GLCE: variants seen among roughly 807,000 people sequenced by gnomAD.
GLCE encodes the protein D-glucuronyl C5-epimerase.
GLCE carries 19 observed loss-of-function variants against 47.9 expected under a neutral mutation model. The observed-to-expected ratio is 0.40, with a 90% CI of 0.28 to 0.58. GLCE has a LOEUF of 0.58. GLCE is among the 20% of genes least tolerant of loss of function. The pLI is 0.48. For synonymous variants in GLCE, 245 were observed against 263.4 expected, an observed-to-expected ratio of 0.93 and a Z score of 0.68; for missense variants, 556 against 743.3, an observed-to-expected ratio of 0.75 and a Z score of 2.93.
intron 1 of GLCE, among the ~76,000 whole-genome samples, chr15:69,166,161 T>C (rs970668338): frequency 2.6e-5 from 4 of 152,238 alleles, no homozygotes; most frequent in African/African-American, 9.6e-5. Flanking sequence ...GTAGCTGATG[T>C]ATGCAGGTTT....
rs2053163329 is a variant in GLCE, at chr15:69,271,273, T to A, written c.*2029T>A. ...AAGTTGATTTCTTGTGATCCCAGAA[T>A]TTTCTAAGAGGATGAGTTGAATCTA... On this transcript the variant is annotated 3_prime_UTR_variant, in exon 5 of 5. Coordinates refer to ENST00000261858, the MANE Select transcript of GLCE (RefSeq NM_015554.3). The A allele has an allele frequency of 6.6e-6, 1 of 152,658 alleles. No homozygotes were observed. The allele number at this position is 152,658 out of a possible 1,614,324, so 9.5% of individuals were successfully genotyped here.
intron 2 of GLCE, among the ~76,000 whole-genome samples, chr15:69,248,216 A>T (rs1288912450): frequency 6.6e-6 from 1 of 152,230 alleles, no homozygotes; most frequent in African/African-American, 2.4e-5. Flanking sequence ...AACCAAAAAT[A>T]TTAGGCAGTT....
rs140799902 is a variant in GLCE at position 69,213,287 on chromosome 15, T to G, written c.-14+2881T>G. On this transcript the variant is annotated intron_variant, in intron 2 of 4. Coordinates refer to ENST00000261858, the MANE Select transcript of GLCE (RefSeq NM_015554.3). ...AATTTCACCAGTTTTTCCACTAATG[T>G]TCTTTTTCCAGGATCCCATATTACA... is the stretch of plus-strand genomic sequence containing the variant. Among the ~76,000 whole-genome samples the G allele has an allele frequency of 2.7e-3, 411 of 152,244 alleles. 2 individuals carry two copies. The highest frequency in any genetic ancestry group is 8.8e-3 in the African/African-American group (367 of 41,566).
intron 1 of GLCE, among the ~76,000 whole-genome samples, chr15:69,175,479 C>T (rs2051649330): frequency 6.6e-6 from 1 of 152,152 alleles, no homozygotes; most frequent in Non-Finnish European, 1.5e-5. Context: ...TTGTTACATT[C>T]ATATGAACAC....
chr15:69,238,077 A>T (rs1385698181), intron 2 of GLCE, among the ~76,000 whole-genome samples: 1 of 152,204 alleles, frequency 6.6e-6, no homozygotes, highest in African/African-American at 2.4e-5. Context: ...CTTTGCTGTT[A>T]AAAAAACATT....
intron 2 of GLCE, among the ~76,000 whole-genome samples, chr15:69,218,465 G>T (rs1333852348): frequency 1.3e-5 from 2 of 152,106 alleles, no homozygotes; most frequent in Non-Finnish European, 2.9e-5. Context: ...AGGGAGCCAA[G>T]ATCAAGCCAC....
intron 1 of GLCE, among the ~76,000 whole-genome samples, chr15:69,195,065 A>G (rs1262085342): frequency 6.6e-6 from 1 of 152,108 alleles, no homozygotes; most frequent in Non-Finnish European, 1.5e-5. Context: ...TCTCTTTGAG[A>G]GTCACTTTTT....
Position 69,246,019 on chromosome 15 carries a change from G to A in GLCE, c.-13-9775G>A, listed in dbSNP as rs569722800. Among the ~76,000 whole-genome samples, 169 of 152,202 alleles carry A rather than the reference G, an allele frequency of 1.1e-3. 1 individual carries two copies. Among genetic ancestry groups the A allele is most frequent in the African/African-American group, 3.6e-3 (148 of 41,540 alleles). On this transcript the variant is annotated intron_variant, in intron 2 of 4. Transcript: ENST00000261858. ...ACTGGGTTTACAGGCGTGAGCCACC[G>A]CGCCCGGCCAGTCGTTTCAACAATG...
chr15:69,187,012 A>G (rs2051833864), intron 1 of GLCE, among the ~76,000 whole-genome samples: 1 of 152,230 alleles, frequency 6.6e-6, no homozygotes, highest in African/African-American at 2.4e-5. Context: ...TATTTGGAGT[A>G]GAATGAAATT....
At chr15:69,243,380 C>A (rs2140421710) in intron 2 of GLCE, among the ~76,000 whole-genome samples, 1 of 152,152 alleles carries the variant, frequency 6.6e-6, no homozygotes, top group South Asian at 2.1e-4. Flanking sequence ...TTAGATGGTT[C>A]TCCTTTATCT....
chr15:69,194,067 T>C (rs941662363), intron 1 of GLCE, among the ~76,000 whole-genome samples: 1 of 152,100 alleles, frequency 6.6e-6, no homozygotes, highest in Admixed American at 6.5e-5. Context: ...GCCAAAACCA[T>C]GTGTACTGAA....
At chr15:69,247,274 A>G (rs1339369722) in intron 2 of GLCE, among the ~76,000 whole-genome samples, 1 of 152,250 alleles carries the variant, frequency 6.6e-6, no homozygotes, top group Non-Finnish European at 1.5e-5. Flanking sequence ...TAGCTTCTAC[A>G]TCAGCACTTG....
intron 1 of GLCE, among the ~76,000 whole-genome samples, chr15:69,167,783 G>A (rs1373018321): frequency 6.6e-6 from 1 of 151,364 alleles, no homozygotes; most frequent in Non-Finnish European, 1.5e-5. Flanking sequence ...TTTAAATGAA[G>A]AGTTGGAATG....
chr15:69,173,265 A>C (rs1348434175), intron 1 of GLCE, among the ~76,000 whole-genome samples: 2 of 152,234 alleles, frequency 1.3e-5, no homozygotes, highest in Admixed American at 1.3e-4. Flanking sequence ...ATCAGAATGA[A>C]GCATGTCTTG....
intron 2 of GLCE, among the ~76,000 whole-genome samples, chr15:69,228,916 G>A (rs2052483509): frequency 6.6e-6 from 1 of 152,146 alleles, no homozygotes; most frequent in South Asian, 2.1e-4. Context: ...TCAAACTCCT[G>A]AGCTCAAACG....
chr15:69,234,764 CCTT>C (rs150528341), intron 2 of GLCE, among the ~76,000 whole-genome samples: 164 of 152,208 alleles, frequency 1.1e-3, no homozygotes, highest in African/African-American at 3.2e-3. Context: ...AATTTGGTAA[CCTT>C]CTTATTTGCT....
At chr15:69,219,775 A>G (rs888674165) in intron 2 of GLCE, among the ~76,000 whole-genome samples, 2 of 152,152 alleles carry the variant, frequency 1.3e-5, no homozygotes, top group Non-Finnish European at 1.5e-5. Flanking sequence ...TTTTAAGTAT[A>G]TAGTTCAGTG....
chr15:69,183,894 A>G (rs559620982), intron 1 of GLCE, among the ~76,000 whole-genome samples: 1 of 152,358 alleles, frequency 6.6e-6, no homozygotes, highest in East Asian at 1.9e-4. Flanking sequence ...TTCAGGGGAA[A>G]TGCCGATAAC....
intron 1 of GLCE, among the ~76,000 whole-genome samples, chr15:69,183,983 C>T (rs1013907330): frequency 2.6e-5 from 4 of 152,102 alleles, no homozygotes; most frequent in African/African-American, 9.7e-5. Context: ...AGAGGAAACA[C>T]CAGAAACAGA....
Sources: allele counts gnomAD v4.1 joint callset (sites outside exome capture counted in the v4.1 genomes callset), GRCh38; gene constraint gnomAD v4.1.1; transcripts MANE v1.5; gene names NCBI Gene and HGNC (gene_info 2026-07-23, HGNC 2026-07-21).